The following HIPK3 variants were observed in gnomAD, a reference collection of about 807,000 sequenced individuals.
HIPK3 encodes the protein homeodomain-interacting protein kinase 3.
In HIPK3, 47 loss-of-function variants were observed where a neutral mutation model predicts 124.2. The ratio of observed to expected loss-of-function variants is 0.38; its 90% CI spans 0.30 to 0.48. HIPK3 has a LOEUF of 0.48. Among genes scored for constraint, HIPK3 ranks in the 20% least tolerant of loss-of-function variants. The pLI is 0.98. For synonymous variants in HIPK3, 482 were observed against 515.2 expected, an observed-to-expected ratio of 0.94 and a Z score of 0.87; for missense variants, 1,286 against 1,454.3, an observed-to-expected ratio of 0.88 and a Z score of 1.88.
chr11:33,261,471 G>A (rs1590332878), intron 1 of HIPK3, among the ~76,000 whole-genome samples: 2 of 151,952 alleles, frequency 1.3e-5, no homozygotes. Context: ...GTGGTATTTG[G>A]TTTTCTGTTC....
chr11:33,308,354 T>C (rs977379364), intron 2 of HIPK3, among the ~76,000 whole-genome samples: 2 of 152,238 alleles, frequency 1.3e-5, no homozygotes, highest in African/African-American at 4.8e-5. Context: ...TTTTGTCCTT[T>C]GCATTCTAGG....
intron 2 of HIPK3, 93 bp downstream of exon 2, chr11:33,287,604 A>C (rs1246571366): frequency 7.6e-7 from 1 of 1,320,086 alleles, no homozygotes; most frequent in Non-Finnish European, 1.0e-6. Flanking sequence ...AGAAGAGACC[A>C]CTTCAGTTAA....
intron 1 of HIPK3, 52 bp downstream of exon 1, chr11:33,257,941 C>T: frequency 2.0e-6 from 2 of 985,304 alleles, no homozygotes; most frequent in Non-Finnish European, 2.4e-6. Context: ...GGGATCGGCT[C>T]CGTCTGCGGG....
chr11:33,310,749 T>G (rs778834921), intron 2 of HIPK3, among the ~76,000 whole-genome samples: 4 of 152,238 alleles, frequency 2.6e-5, no homozygotes, highest in Non-Finnish European at 2.9e-5. Flanking sequence ...TTTCCGTTGT[T>G]GCGAAAATAC....
intron 3 of HIPK3, among the ~76,000 whole-genome samples, chr11:33,329,576 A>T (rs542536312): frequency 6.6e-6 from 1 of 152,312 alleles, no homozygotes; most frequent in East Asian, 1.9e-4. Flanking sequence ...GTCATTTAAT[A>T]CTGATTATTA....
chr11:33,274,435 A>G (rs1851218274), intron 1 of HIPK3, among the ~76,000 whole-genome samples: 1 of 152,178 alleles, frequency 6.6e-6, no homozygotes, highest in Non-Finnish European at 1.5e-5. Context: ...GGAGTTGTTC[A>G]TAACCCAAAC....
chr11:33,330,562 T>C (rs1852947220), intron 3 of HIPK3, among the ~76,000 whole-genome samples: 1 of 152,126 alleles, frequency 6.6e-6, no homozygotes, highest in South Asian at 2.1e-4. Flanking sequence ...CTCTTGACCT[T>C]GTGATTTGCC....
chr11:33,329,456 C>T (rs1292819874), intron 3 of HIPK3, among the ~76,000 whole-genome samples: 2 of 152,046 alleles, frequency 1.3e-5, no homozygotes, highest in African/African-American at 4.8e-5. Context: ...ATTTAAAGCA[C>T]CTATTACATA....
intron 1 of HIPK3, among the ~76,000 whole-genome samples, chr11:33,284,536 A>G (rs1210404630): frequency 6.6e-6 from 1 of 152,156 alleles, no homozygotes; most frequent in Admixed American, 6.5e-5. Context: ...GCTCATGCCT[A>G]TAATCCCAGC....
At chr11:33,287,995 C>T (rs1021666912) in intron 2 of HIPK3, among the ~76,000 whole-genome samples, 4 of 151,948 alleles carry the variant, frequency 2.6e-5, no homozygotes, top group African/African-American at 4.8e-5. Flanking sequence ...CAGATTTTTC[C>T]GGATTTTGGA....
chr11:33,316,684 A>G (rs1433170470), intron 2 of HIPK3, among the ~76,000 whole-genome samples: 2 of 152,086 alleles, frequency 1.3e-5, no homozygotes, highest in Non-Finnish European at 2.9e-5. Context: ...TTAGCTGGGC[A>G]TGGTGGTGCA....
At position 33,353,685 on chromosome 11, in the gene HIPK3, C is replaced by CAATTT. The variant is rs1354310266; in HGVS notation, c.*120_*124dup. 4.2e-6 allele frequency: 3 copies of CAATTT among 715,956 alleles called. No homozygotes were observed. Among genetic ancestry groups the CAATTT allele is most frequent in the Non-Finnish European group, 6.9e-6 (3 of 436,660 alleles). The allele number at this position is 715,956 out of a possible 1,614,324, so 44.4% of individuals were successfully genotyped here. ...TTTTTGAATCATGTAGACTTGGGTG[C>CAATTT]AATTTAAACAACTTTGAGCTTTAAA... On this transcript the variant is annotated 3_prime_UTR_variant, in exon 17 of 17. Transcript: ENST00000303296.
rs1257655604 is a variant in HIPK3 at position 33,354,950 on chromosome 11, G to T, written c.*1382G>T. On this transcript the variant is annotated 3_prime_UTR_variant, in exon 17 of 17. Transcript: ENST00000303296. ...TTAATCATCCATTTCCTATATAAAG[G>T]TAGCTACTTTTTGCATAGACCTCAA... 1.3e-5 allele frequency: 2 copies of T among 151,884 alleles called. No homozygotes were observed. The highest frequency in any genetic ancestry group is 4.8e-5 in the African/African-American group (2 of 41,356). 9.4% of individuals were successfully genotyped at this position (151,884 alleles called of 1,614,324 possible).
At chr11:33,295,284 C>A (rs531715218) in intron 2 of HIPK3, among the ~76,000 whole-genome samples, 2 of 149,550 alleles carry the variant, frequency 1.3e-5, no homozygotes, top group Non-Finnish European at 3.0e-5. Flanking sequence ...ACCGCCCCCC[C>A]CCCACAACTC....
intron 1 of HIPK3, among the ~76,000 whole-genome samples, chr11:33,264,747 A>C (rs1590335676): frequency 6.6e-6 from 1 of 152,222 alleles, no homozygotes; most frequent in Non-Finnish European, 1.5e-5. Context: ...TATTATTTAT[A>C]AGCATACAAA....
intron 1 of HIPK3, among the ~76,000 whole-genome samples, chr11:33,268,618 TAAA>T (rs368978453): frequency 2.9e-5 from 4 of 135,980 alleles, no homozygotes; most frequent in African/African-American, 5.3e-5. Flanking sequence ...AAAAAAAAAT[TAAA>T]AAAAGAATCT....
chr11:33,328,260 T>C (rs956903994), intron 2 of HIPK3, among the ~76,000 whole-genome samples: 2 of 152,204 alleles, frequency 1.3e-5, no homozygotes, highest in Admixed American at 6.5e-5. Context: ...AAAAATGTTA[T>C]GTTAGTAAAA....
intron 8 of HIPK3, among the ~76,000 whole-genome samples, chr11:33,342,755 A>G (rs1009644869): frequency 4.6e-5 from 7 of 152,068 alleles, no homozygotes; most frequent in African/African-American, 9.7e-5. Context: ...GGGTTTTTCC[A>G]TGTTGGTCTT....
At chr11:33,326,690 G>A (rs1590403953) in intron 2 of HIPK3, among the ~76,000 whole-genome samples, 1 of 144,308 alleles carries the variant, frequency 6.9e-6, no homozygotes. Flanking sequence ...TTTTTCCCCC[G>A]AGACAGAGCC....
Sources: gnomAD v4.1 joint callset for allele counts (sites outside exome capture counted in the v4.1 genomes callset) on GRCh38, gnomAD v4.1.1 for gene constraint, MANE v1.5 for transcripts, NCBI Gene and HGNC (gene_info 2026-07-23, HGNC 2026-07-21) for gene names.